The following TAFA1 variants were observed in gnomAD, a reference collection of about 807,000 sequenced individuals.
TAFA1 encodes chemokine-like protein TAFA-1.
A neutral mutation model predicts 18.5 loss-of-function variants in TAFA1; 4 were observed. The ratio of observed to expected loss-of-function variants is 0.22; its 90% CI spans 0.11 to 0.49. The LOEUF (loss-of-function observed/expected upper bound fraction) is 0.49, where lower values mean the gene tolerates loss of function less well. Among genes scored for constraint, TAFA1 ranks in the 20% least tolerant of loss-of-function variants. The pLI, the probability that TAFA1 is intolerant of heterozygous loss-of-function variation, is 0.98. For synonymous variants in TAFA1, 56 were observed against 55.2 expected (o/e 1.01, Z -0.06); for missense variants, 147 against 169.0 (o/e 0.87, Z 0.72).
intron 3 of TAFA1, among the ~76,000 whole-genome samples, chr3:68,468,765 T>C (rs2071936859): frequency 6.6e-6 from 1 of 152,216 alleles, no homozygotes; most frequent in South Asian, 2.1e-4. Flanking sequence ...TTGAGATTTA[T>C]GGGATTTTTT....
At chr3:68,539,685 GCA>G (rs59534187) in intron 4 of TAFA1, among the ~76,000 whole-genome samples, 4,323 of 22,100 alleles carry the variant, frequency 0.2, 255 homozygotes, top group Middle Eastern at 0.25. Flanking sequence ...GTGTGGGGGG[GCA>G]TGGGGTGGGT....
At chr3:68,042,487 T>C (rs1397173516) in intron 2 of TAFA1, among the ~76,000 whole-genome samples, 1 of 152,146 alleles carries the variant, frequency 6.6e-6, no homozygotes, top group Non-Finnish European at 1.5e-5. Flanking sequence ...CTGTCTCTAC[T>C]AAATTAAAAA....
chr3:68,313,013 AGACT>A (rs2068546105), intron 2 of TAFA1, among the ~76,000 whole-genome samples: 1 of 152,160 alleles, frequency 6.6e-6, no homozygotes, highest in Admixed American at 6.5e-5. Context: ...TTGTGCAGGG[AGACT>A]CCGATTTTTA....
chr3:68,391,125 A>C (rs949278811), intron 2 of TAFA1, among the ~76,000 whole-genome samples: 1 of 152,212 alleles, frequency 6.6e-6, no homozygotes, highest in African/African-American at 2.4e-5. Flanking sequence ...AAAAGGTTAC[A>C]GGAACTGCTA....
At chr3:68,094,443 T>G (rs1440396417) in intron 2 of TAFA1, among the ~76,000 whole-genome samples, 2 of 152,206 alleles carry the variant, frequency 1.3e-5, no homozygotes, top group African/African-American at 2.4e-5. Context: ...TAGGGACTTG[T>G]AACTATCTGT....
intron 2 of TAFA1, among the ~76,000 whole-genome samples, chr3:68,077,721 A>G (rs1439981488): frequency 6.6e-6 from 1 of 152,012 alleles, no homozygotes; most frequent in African/African-American, 2.4e-5. Flanking sequence ...GCCTAGTAGT[A>G]TAGTTTGAAG....
At chr3:68,025,789 G>A (rs1704801875) in intron 2 of TAFA1, among the ~76,000 whole-genome samples, 1 of 152,144 alleles carries the variant, frequency 6.6e-6, no homozygotes, top group Admixed American at 6.5e-5. Context: ...CCTCTGTGAG[G>A]TCTTCCCTTA....
chr3:68,050,556 T>C (rs1440189179), intron 2 of TAFA1, among the ~76,000 whole-genome samples: 1 of 152,148 alleles, frequency 6.6e-6, no homozygotes. Flanking sequence ...CAAAAGTACC[T>C]GACATATAGT....
intron 2 of TAFA1, among the ~76,000 whole-genome samples, chr3:68,178,994 G>A (rs767439626): frequency 1.3e-5 from 2 of 152,274 alleles, no homozygotes; most frequent in African/African-American, 2.4e-5. Flanking sequence ...TGATAAACTC[G>A]GAGATATTGT....
At chr3:68,389,418 T>C (rs2070176518) in intron 2 of TAFA1, among the ~76,000 whole-genome samples, 4 of 152,232 alleles carry the variant, frequency 2.6e-5, no homozygotes, top group African/African-American at 7.2e-5. Context: ...TTAATATCTT[T>C]GTATGCATAA....
chr3:68,509,513 A>C (rs1177506045), intron 3 of TAFA1, among the ~76,000 whole-genome samples: 1 of 152,146 alleles, frequency 6.6e-6, no homozygotes, highest in African/African-American at 2.4e-5. Flanking sequence ...AAAACATTCA[A>C]AATACTATCT....
chr3:68,226,697 C>G (rs1023848977), intron 2 of TAFA1, among the ~76,000 whole-genome samples: 6 of 152,110 alleles, frequency 3.9e-5, no homozygotes, highest in African/African-American at 1.4e-4. Context: ...TCTCAACCAC[C>G]CTGAGATGTA....
At chr3:68,087,109 T>C (rs1393616123) in intron 2 of TAFA1, among the ~76,000 whole-genome samples, 1 of 152,210 alleles carries the variant, frequency 6.6e-6, no homozygotes, top group African/African-American at 2.4e-5. Flanking sequence ...CCCTGCTTAG[T>C]TACCATTGGA....
chr3:68,368,548 A>T (rs1055401093), intron 2 of TAFA1, among the ~76,000 whole-genome samples: 4 of 149,996 alleles, frequency 2.7e-5, no homozygotes, highest in African/African-American at 7.4e-5. Context: ...GGGATGTCAG[A>T]CTGTCCACTA....
chr3:68,058,521 G>A (rs1276910181), intron 2 of TAFA1, among the ~76,000 whole-genome samples: 2 of 152,104 alleles, frequency 1.3e-5, no homozygotes, highest in Non-Finnish European at 2.9e-5. Flanking sequence ...TAGAGTCCTG[G>A]GGAGGATAAT....
intron 2 of TAFA1, among the ~76,000 whole-genome samples, chr3:68,147,474 G>T (rs2065755745): frequency 6.6e-6 from 1 of 151,868 alleles, no homozygotes; most frequent in African/African-American, 2.4e-5. Flanking sequence ...CATGCAACGT[G>T]CCATGCCTTC....
chr3:68,417,604 G>A (rs2106798057), intron 3 of TAFA1, 184 bp downstream of exon 3: 1 of 604,594 alleles, frequency 1.7e-6, no homozygotes, highest in Non-Finnish European at 2.8e-6. Context: ...TTATTTGAAT[G>A]TTTTTTCCCC....
chr3:68,005,357 T>C (rs1020403576), intron 1 of TAFA1, among the ~76,000 whole-genome samples: 2 of 152,246 alleles, frequency 1.3e-5, no homozygotes, highest in African/African-American at 4.8e-5. Flanking sequence ...CACCAAGCTG[T>C]TGAAAATAAT....
chr3:68,494,386 G>C (rs1510362), intron 3 of TAFA1, among the ~76,000 whole-genome samples: 119,213 of 152,202 alleles, frequency 0.78, 47,009 homozygotes, highest in African/African-American at 0.88. Flanking sequence ...GGTTCCTAGT[G>C]TGCTAGTTGA....
Sources: allele counts gnomAD v4.1 joint callset (sites outside exome capture counted in the v4.1 genomes callset), GRCh38; gene constraint gnomAD v4.1.1; transcripts MANE v1.5; gene names NCBI Gene and HGNC (gene_info 2026-07-23, HGNC 2026-07-21).